CPD: variants seen among roughly 807,000 people sequenced by gnomAD.
The protein encoded by CPD is metallocarboxypeptidase D.
In CPD, 69 loss-of-function variants were observed where a neutral mutation model predicts 138.3. That is an observed-to-expected ratio of 0.50 (90% confidence interval 0.41 to 0.61). The LOEUF (loss-of-function observed/expected upper bound fraction) is 0.61. Among genes scored for constraint, CPD ranks in the 20% least tolerant of loss-of-function variants. The pLI is 0.00. For synonymous variants in CPD, 651 were observed against 642.1 expected (o/e 1.01, Z -0.21); for missense variants, 1,432 against 1,733.3 (o/e 0.83, Z 3.09).
At chr17:30,428,805 G>A (rs1797535167) in intron 7 of CPD, among the ~76,000 whole-genome samples, 1 of 151,718 alleles carries the variant, frequency 6.6e-6, no homozygotes, top group Non-Finnish European at 1.5e-5. Context: ...TAGTGGTAGT[G>A]GTTGTACAAC....
At chr17:30,437,999 G>C (rs1176191327) in intron 8 of CPD, among the ~76,000 whole-genome samples, 1 of 135,564 alleles carries the variant, frequency 7.4e-6, no homozygotes, top group East Asian at 2.0e-4. Flanking sequence ...ACCATGTGTG[G>C]CTTTTTTTTT....
chr17:30,430,185 C>T (rs1436108736), intron 7 of CPD, among the ~76,000 whole-genome samples: 3 of 151,996 alleles, frequency 2.0e-5, no homozygotes, highest in East Asian at 1.9e-4. Flanking sequence ...ATTCCAGTGG[C>T]GTTTAGTGCA....
rs1222016167 is a variant in CPD, at chr17:30,391,058, G to C, written c.994+5822G>C. Among the ~76,000 whole-genome samples, 3 of 150,956 alleles carry C rather than the reference G, an allele frequency of 2.0e-5. No homozygotes were observed. The South Asian group carries it at 6.3e-4, about 32-fold the overall frequency. ...TTGGTCAAGCTGGTCTTGAATTCCAGACCTCAAGTGATCCACCTGCCTCGC... is the reference window on the plus strand; with the variant it reads ...TTGGTCAAGCTGGTCTTGAATTCCACACCTCAAGTGATCCACCTGCCTCGC... On this transcript the variant is annotated intron_variant, in intron 2 of 20. Coordinates refer to ENST00000225719, the MANE Select transcript of CPD (RefSeq NM_001304.5).
intron 2 of CPD, among the ~76,000 whole-genome samples, chr17:30,389,175 G>C (rs1320933343): frequency 3.3e-5 from 5 of 152,190 alleles, no homozygotes. Context: ...CGGGCTGTGG[G>C]GGGTGGCTGC....
chr17:30,445,707 A>G lies in CPD; in HGVS notation c.2560A>G (p.Lys854Glu). Residue 854 changes from lysine (K) to glutamate (E), a missense_variant, in exon 12 of 21, where the codon AAG becomes GAG. By Grantham distance (56) the Lys-to-Glu change is moderately conservative. This residue lies in a region of CPD where 297 missense variants were observed against 405.3 expected (regional missense o/e 0.73). Coordinates refer to ENST00000225719, the MANE Select transcript of CPD (RefSeq NM_001304.5). ...TTATCATAGGTATAATCCAGTTACC[A>G]AGAATGTGACTGTCAAGAGTGAAGG... ...ASARGYNPVT[K>E]NVTVKSEGAI... 2 of 1,607,094 alleles carry G rather than the reference A, an allele frequency of 1.2e-6. No homozygotes were observed. The highest frequency in any genetic ancestry group is 2.2e-5 in the South Asian group (2 of 90,080).
intron 2 of CPD, among the ~76,000 whole-genome samples, chr17:30,386,818 T>A (rs1911202186): frequency 6.6e-6 from 1 of 152,234 alleles, no homozygotes; most frequent in African/African-American, 2.4e-5. Context: ...TAATATTCCT[T>A]GAATGTATAT....
chr17:30,396,627 G>A (rs1450500643), intron 2 of CPD, among the ~76,000 whole-genome samples: 2 of 152,128 alleles, frequency 1.3e-5, no homozygotes, highest in Non-Finnish European at 2.9e-5. Context: ...GCTACAAATC[G>A]ATTGAAAGAG....
At chr17:30,380,704 G>T (rs2143291174) in intron 1 of CPD, 2 of 1,174,772 alleles carry the variant, frequency 1.7e-6, no homozygotes, top group East Asian at 5.4e-5. Flanking sequence ...ATGTGTGTGG[G>T]CTGCAATAAC....
intron 18 of CPD, 90 bp downstream of exon 18, chr17:30,461,401 A>G (rs1913470060): frequency 4.1e-6 from 4 of 974,232 alleles, no homozygotes; most frequent in Non-Finnish European, 2.7e-6. Flanking sequence ...CCAAAAATGT[A>G]TATTATTTAT....
At chr17:30,406,976 G>A (rs1310856923) in intron 2 of CPD, among the ~76,000 whole-genome samples, 2 of 151,870 alleles carry the variant, frequency 1.3e-5, no homozygotes, top group African/African-American at 2.4e-5. Context: ...TACCCCACCC[G>A]CCTACAGGTC....
At chr17:30,385,324 T>C in intron 2 of CPD, 88 bp downstream of exon 2, 2 of 1,438,230 alleles carry the variant, frequency 1.4e-6, no homozygotes, top group Non-Finnish European at 1.9e-6. Context: ...AGAAACTCTG[T>C]AGAAATCTAA....
Position 30,456,543 on chromosome 17 carries a change from A to G in CPD, c.3498+17A>G, listed in dbSNP as rs756943535. 3 of 1,612,116 alleles carry G rather than the reference A, an allele frequency of 1.9e-6. No homozygotes were observed. On this transcript the variant is annotated intron_variant, in intron 17 of 20. Transcript: ENST00000225719. ...AGCATGAAGGTATGCTTTCTAGAAC[A>G]TGGTTAGAATGGAGTTATGGCCAGG...
intron 2 of CPD, among the ~76,000 whole-genome samples, chr17:30,394,897 GTGTA>G (rs1567866980): frequency 9.5e-6 from 1 of 105,132 alleles, no homozygotes; most frequent in African/African-American, 3.9e-5. Flanking sequence ...GTGAGCATGT[GTGTA>G]TGTGTGTGTG....
intron 7 of CPD, among the ~76,000 whole-genome samples, chr17:30,431,420 T>C (rs1912560919): frequency 6.6e-6 from 1 of 152,222 alleles, no homozygotes; most frequent in Admixed American, 6.5e-5. Flanking sequence ...TTCTCTTTCT[T>C]ATGTTCTTGA....
chr17:30,423,715 A>G lies in CPD; in HGVS notation c.1849+18A>G. 6.8e-7 allele frequency: 1 copy of G among 1,469,678 alleles called. No homozygotes were observed. The highest frequency in any genetic ancestry group is 9.2e-7 in the Non-Finnish European group (1 of 1,089,628). 91.0% of individuals were successfully genotyped at this position (1,469,678 alleles called of 1,614,324 possible). On this transcript the variant is annotated intron_variant, in intron 6 of 20. Coordinates refer to ENST00000225719, the MANE Select transcript of CPD (RefSeq NM_001304.5). ...CCAGGAAGGTAAAGAATAGCATTTA[A>G]TTCTTAATCATTTGATCATCATATA...
At chr17:30,412,600 G>A (rs939650149) in intron 2 of CPD, among the ~76,000 whole-genome samples, 3 of 152,164 alleles carry the variant, frequency 2.0e-5, no homozygotes, top group African/African-American at 4.8e-5. Flanking sequence ...CGCCCCTCCC[G>A]CCATGAGGCT....
At chr17:30,433,676 C>T (rs764686223) in intron 8 of CPD, among the ~76,000 whole-genome samples, 6 of 152,198 alleles carry the variant, frequency 3.9e-5, no homozygotes, top group South Asian at 2.1e-4. Flanking sequence ...GCAACATTTC[C>T]TGTTTAGCTA....
intron 2 of CPD, among the ~76,000 whole-genome samples, chr17:30,409,871 A>T (rs939710427): frequency 4.0e-5 from 6 of 151,762 alleles, no homozygotes; most frequent in African/African-American, 1.5e-4. Context: ...TTCTGCTCTG[A>T]TTTTAGTTAT....
In CPD at chr17:30,464,717, G is replaced by A. The variant is rs367904758; in HGVS notation, c.4046G>A (p.Arg1349His). 6.2e-6 allele frequency: 10 copies of A among 1,613,828 alleles called. No homozygotes were observed. The highest frequency in any genetic ancestry group is 4.5e-5 in the East Asian group (2 of 44,884). Reference sequence around the variant, plus strand: ...CATGATGAGTATGAAGATGAAATTCGCATGATGTCTACCGGCTCCAAGAAG... The same window carrying A: ...CATGATGAGTATGAAGATGAAATTCACATGATGTCTACCGGCTCCAAGAAG... ...QHHDEYEDEI[R>H]MMSTGSKKSL... Residue 1349 changes from arginine (R) to histidine (H), a missense_variant, in exon 21 of 21, where the codon CGC becomes CAC. By Grantham distance (29) the Arg-to-His change is conservative. Transcript: ENST00000225719.
Sources: gnomAD v4.1 joint callset for allele counts (sites outside exome capture counted in the v4.1 genomes callset) on GRCh38, gnomAD v4.1.1 for gene constraint, gnomAD v4.1.1 regional missense constraint, MANE v1.5 for transcripts, NCBI Gene and HGNC (gene_info 2026-07-23, HGNC 2026-07-21) for gene names.